Variants in DPP10 observed in about 807,000 individuals in gnomAD.
DPP10 encodes the protein dipeptidyl peptidase like 10.
DPP10 carries 33 observed loss-of-function variants against 120.9 expected under a neutral mutation model. The observed-to-expected ratio is 0.27, with a 90% CI of 0.21 to 0.37. The LOEUF (loss-of-function observed/expected upper bound fraction) is 0.37. Ranked by LOEUF, DPP10 falls within the 10% of genes least tolerant of loss-of-function variation. The pLI is 1.00. For synonymous variants in DPP10, 337 were observed against 326.1 expected (o/e 1.03, Z -0.36); for missense variants, 816 against 942.8 (o/e 0.87, Z 1.76).
At chr2:115,739,539 G>A (rs193185045) in intron 8 of DPP10, among the ~76,000 whole-genome samples, 200 bp from the exon 9 acceptor site, 46 of 152,184 alleles carry the variant, frequency 3.0e-4, no homozygotes, top group African/African-American at 9.4e-4. Context: ...GTGCTTCATT[G>A]TTTCCTTCCT....
chr2:115,151,413 A>AG (rs1559150300), intron 1 of DPP10, among the ~76,000 whole-genome samples: 4 of 132,004 alleles, frequency 3.0e-5, no homozygotes, highest in Non-Finnish European at 6.7e-5. Context: ...ACTTTCTTAT[A>AG]CTTTTTTTTT....
intron 1 of DPP10, among the ~76,000 whole-genome samples, chr2:114,489,880 C>CTTGTTAA (rs1681836962): frequency 6.6e-6 from 1 of 152,104 alleles, no homozygotes. Context: ...GTTTGTTAAC[C>CTTGTTAA]CATCAGAGAG....
chr2:115,438,447 C>T (rs1256384602), intron 3 of DPP10, among the ~76,000 whole-genome samples: 1 of 152,110 alleles, frequency 6.6e-6, no homozygotes, highest in Admixed American at 6.6e-5. Context: ...ATTATACCAA[C>T]ATTACTCTCA....
chr2:115,350,666 T>C (rs1161186378), intron 3 of DPP10, among the ~76,000 whole-genome samples: 1 of 152,110 alleles, frequency 6.6e-6, no homozygotes, highest in African/African-American at 2.4e-5. Context: ...AGCACAGCAA[T>C]GACTATTAGA....
intron 7 of DPP10, among the ~76,000 whole-genome samples, chr2:115,724,315 G>T (rs2149623963): frequency 6.6e-6 from 1 of 152,268 alleles, no homozygotes; most frequent in African/African-American, 2.4e-5. Flanking sequence ...TCCAGCATCT[G>T]GTGAATTTGC....
intron 1 of DPP10, among the ~76,000 whole-genome samples, chr2:115,103,953 T>C (rs934526846): frequency 6.6e-6 from 1 of 152,166 alleles, no homozygotes; most frequent in Non-Finnish European, 1.5e-5. Flanking sequence ...TGAGATATCT[T>C]TGGAATAGAA....
At chr2:115,144,350 C>G (rs534280385) in intron 1 of DPP10, 1 of 152,280 alleles carries the variant, frequency 6.6e-6, no homozygotes, top group South Asian at 2.1e-4. Context: ...TGCAGAGACA[C>G]TGTTCCTTCC....
chr2:115,095,998 T>C (rs1223940453), intron 1 of DPP10, among the ~76,000 whole-genome samples: 1 of 152,132 alleles, frequency 6.6e-6, no homozygotes, highest in East Asian at 1.9e-4. Flanking sequence ...TGTTTGCCAA[T>C]GTCTTATCTA....
At chr2:114,496,563 A>G (rs757386140) in intron 1 of DPP10, among the ~76,000 whole-genome samples, 2 of 152,182 alleles carry the variant, frequency 1.3e-5, no homozygotes, top group Non-Finnish European at 2.9e-5. Flanking sequence ...CTCTTTTATG[A>G]GGGCACTAAT....
rs7424282 is a variant in DPP10, at chr2:114,942,382, T to C, written c.61-366857T>C. Among the ~76,000 whole-genome samples, 299 of 78,916 alleles carry C rather than the reference T, an allele frequency of 3.8e-3. 5 individuals are homozygous for C. Among genetic ancestry groups the C allele is most frequent in the East Asian group, 0.015 (40 of 2,604 alleles). 51.8% of individuals were successfully genotyped at this position (78,916 alleles called of 152,430 possible). On this transcript the variant is annotated intron_variant, in intron 1 of 25. Transcript: ENST00000410059. ...ATATACATATATATACACACACATA[T>C]ATATATATACACACACACACATATA...
intron 1 of DPP10, among the ~76,000 whole-genome samples, chr2:115,302,523 G>T (rs1162527028): frequency 6.6e-6 from 1 of 151,686 alleles, no homozygotes; most frequent in Non-Finnish European, 1.5e-5. Context: ...AGGCTGAGGT[G>T]GGAGGATCAC....
chr2:114,492,619 A>T (rs1242147278), intron 1 of DPP10, among the ~76,000 whole-genome samples: 1 of 152,168 alleles, frequency 6.6e-6, no homozygotes, highest in African/African-American at 2.4e-5. Flanking sequence ...TTTGCATTTC[A>T]ATATATTTTT....
intron 1 of DPP10, among the ~76,000 whole-genome samples, chr2:114,969,710 C>T (rs1053354143): frequency 2.0e-5 from 3 of 152,114 alleles, no homozygotes; most frequent in Admixed American, 6.5e-5. Flanking sequence ...ATATGTGGTT[C>T]TTCCAGGCAA....
At chr2:114,620,772 A>G (rs1299325370) in intron 1 of DPP10, among the ~76,000 whole-genome samples, 1 of 152,000 alleles carries the variant, frequency 6.6e-6, no homozygotes, top group Non-Finnish European at 1.5e-5. Context: ...CTTTATCTAT[A>G]CTTATAATGG....
At chr2:114,783,488 C>T (rs1425168598) in intron 1 of DPP10, among the ~76,000 whole-genome samples, 1 of 152,084 alleles carries the variant, frequency 6.6e-6, no homozygotes, top group Non-Finnish European at 1.5e-5. Flanking sequence ...TATTAAATAA[C>T]TAAACATATA....
chr2:115,239,233 C>T (rs1474928876), intron 1 of DPP10, among the ~76,000 whole-genome samples: 2 of 152,150 alleles, frequency 1.3e-5, no homozygotes, highest in African/African-American at 4.8e-5. Flanking sequence ...CAATATTAAC[C>T]ATCCCATGGA....
intron 9 of DPP10, among the ~76,000 whole-genome samples, chr2:115,741,413 A>ATTATAGAT (rs2149697346): frequency 6.6e-6 from 1 of 151,964 alleles, no homozygotes; most frequent in East Asian, 1.9e-4. Context: ...GCTTTCTCCA[A>ATTATAGAT]TTATAGATTT....
At chr2:115,768,959 C>A (rs13033259) in intron 13 of DPP10, among the ~76,000 whole-genome samples, 13,243 of 150,566 alleles carry the variant, frequency 0.088, 626 homozygotes, top group South Asian at 0.13. Flanking sequence ...TTTTTTTAGA[C>A]TTTCCGATAA....
chr2:115,014,236 G>A (rs1483320564), intron 1 of DPP10, among the ~76,000 whole-genome samples: 1 of 152,134 alleles, frequency 6.6e-6, no homozygotes, highest in African/African-American at 2.4e-5. Flanking sequence ...ACATGCTCCT[G>A]AATGACTACT....
Sources: gnomAD v4.1 joint callset for allele counts (sites outside exome capture counted in the v4.1 genomes callset) on GRCh38, gnomAD v4.1.1 for gene constraint, MANE v1.5 for transcripts, NCBI Gene and HGNC (gene_info 2026-07-23, HGNC 2026-07-21) for gene names.